SLC38A6: variants seen among roughly 807,000 people sequenced by gnomAD.
SLC38A6 encodes the protein solute carrier family 38 member 6.
A neutral mutation model predicts 65.0 loss-of-function variants in SLC38A6; 73 were observed. The observed-to-expected ratio is 1.12, with a 90% CI of 0.93 to 1.37. The LOEUF (loss-of-function observed/expected upper bound fraction) is 1.37, where lower values mean the gene tolerates loss of function less well. Ranked by LOEUF, SLC38A6 falls within the 40% of genes most tolerant of loss-of-function variation. The probability of loss-of-function intolerance (pLI) is 0.00; values close to 1 mark genes in which losing one functional copy is unlikely to be tolerated. For missense variants in SLC38A6, 561 were observed against 531.1 expected (o/e 1.06, Z -0.55); for synonymous variants, 183 against 178.8 (o/e 1.02, Z -0.19).
intron 3 of SLC38A6, among the ~76,000 whole-genome samples, chr14:60,992,928 C>T (rs1365276890): frequency 6.6e-6 from 1 of 151,696 alleles, no homozygotes; most frequent in Non-Finnish European, 1.5e-5. Context: ...CTCGCTGCAA[C>T]CTCTGCCTCC....
rs1238513868 is a variant in SLC38A6, at chr14:61,069,893, A to G, written c.1291-8917A>G. 2.6e-5 allele frequency among the ~76,000 whole-genome samples: 4 copies of G among 152,168 alleles called. No individual in the cohort carries two copies. The South Asian group carries it at 6.2e-4, about 24-fold the overall frequency. ...TACAACTTTCTGTGTTCTTCCCAGT[A>G]TATTCTATGCCTCTCTTAGAGAGAG... On this transcript the variant is annotated intron_variant, in intron 15 of 16. Coordinates refer to the SLC38A6 transcript ENST00000354886.
At chr14:61,003,522 T>A (rs990296746) in intron 3 of SLC38A6, among the ~76,000 whole-genome samples, 1 of 152,158 alleles carries the variant, frequency 6.6e-6, no homozygotes, top group African/African-American at 2.4e-5. Flanking sequence ...TTTTAAATAT[T>A]TTAAAGGTTC....
intron 3 of SLC38A6, among the ~76,000 whole-genome samples, chr14:61,008,087 T>G: frequency 6.6e-6 from 1 of 152,196 alleles, no homozygotes; most frequent in East Asian, 1.9e-4. Context: ...CTTTTATTAT[T>G]AAAGCATAAA....
chr14:61,027,857 T>C (rs2040695715), intron 5 of SLC38A6, among the ~76,000 whole-genome samples: 2 of 152,026 alleles, frequency 1.3e-5, no homozygotes, highest in African/African-American at 4.8e-5. Context: ...GGTTTTCCCC[T>C]ATAGTAAGTT....
At chr14:61,027,498 T>C (rs1278306735) in intron 5 of SLC38A6, among the ~76,000 whole-genome samples, 1 of 152,166 alleles carries the variant, frequency 6.6e-6, no homozygotes, top group Non-Finnish European at 1.5e-5. Context: ...TCTTATGCCA[T>C]TTATAAAAGA....
At chr14:61,065,537 C>T (rs1051867441) in intron 15 of SLC38A6, among the ~76,000 whole-genome samples, 4 of 152,160 alleles carry the variant, frequency 2.6e-5, no homozygotes, top group Non-Finnish European at 5.9e-5. Flanking sequence ...AAGAACTTTA[C>T]AATTTTTTCT....
intron 6 of SLC38A6, chr14:61,031,093 C>G (rs1375138948): frequency 6.6e-6 from 1 of 152,140 alleles, no homozygotes; most frequent in East Asian, 1.9e-4. Flanking sequence ...TACTAAACTA[C>G]ATTGTATCTC....
intron 15 of SLC38A6, among the ~76,000 whole-genome samples, chr14:61,067,516 C>T (rs1017493561): frequency 2.0e-5 from 3 of 152,102 alleles, no homozygotes. Flanking sequence ...CTTGTAGTTT[C>T]ATAGTAAATA....
chr14:61,067,617 C>T (rs2043068626), intron 15 of SLC38A6, among the ~76,000 whole-genome samples: 1 of 151,976 alleles, frequency 6.6e-6, no homozygotes, highest in African/African-American at 2.4e-5. Context: ...AGCTGCAGGC[C>T]TTTTTTAGGT....
At chr14:61,020,235 A>G (rs1261679152) in intron 5 of SLC38A6, among the ~76,000 whole-genome samples, 1 of 152,140 alleles carries the variant, frequency 6.6e-6, no homozygotes, top group African/African-American at 2.4e-5. Flanking sequence ...TATATGTTGT[A>G]AAGAAGTTGC....
At chr14:61,009,912 G>A (rs1439689617) in intron 3 of SLC38A6, among the ~76,000 whole-genome samples, 1 of 152,182 alleles carries the variant, frequency 6.6e-6, no homozygotes, top group Admixed American at 6.5e-5. Context: ...TGGGATGGCT[G>A]GGTCAAATGG....
chr14:60,998,196 C>T, intron 3 of SLC38A6, among the ~76,000 whole-genome samples: 1 of 151,684 alleles, frequency 6.6e-6, no homozygotes, highest in East Asian at 1.9e-4. Context: ...AGCAAAGGCC[C>T]CCACCCCCCA....
intron 3 of SLC38A6, among the ~76,000 whole-genome samples, chr14:61,014,887 G>A (rs758350117): frequency 6.6e-6 from 1 of 152,168 alleles, no homozygotes; most frequent in Non-Finnish European, 1.5e-5. Flanking sequence ...TGCGTGCTGG[G>A]AGAACCACTA....
intron 8 of SLC38A6, among the ~76,000 whole-genome samples, chr14:61,039,419 G>A (rs890709668): frequency 3.9e-5 from 6 of 151,976 alleles, no homozygotes; most frequent in African/African-American, 1.5e-4. Flanking sequence ...CACCCAGGGT[G>A]GAGTGCAGTG....
At chr14:60,988,173 T>A (rs2037593829) in intron 3 of SLC38A6, among the ~76,000 whole-genome samples, 2 of 152,192 alleles carry the variant, frequency 1.3e-5, no homozygotes, top group Admixed American at 1.3e-4. Flanking sequence ...TCTCAAGTGG[T>A]CAGTCTTTTC....
chr14:61,055,243 A>C (rs1312753301), downstream of SLC38A6, among the ~76,000 whole-genome samples: 2 of 74,246 alleles, frequency 2.7e-5, no homozygotes, highest in African/African-American at 1.0e-4. Context: ...CATTAGGTAT[A>C]TCTCCCAATG....
intron 3 of SLC38A6, among the ~76,000 whole-genome samples, chr14:61,011,994 C>T (rs899365461): frequency 6.6e-5 from 10 of 152,308 alleles, no homozygotes; most frequent in Non-Finnish European, 1.2e-4. Flanking sequence ...TAAAATTCGG[C>T]TGTGATTGCA....
downstream of SLC38A6, chr14:61,053,055 C>G (rs2042588838): frequency 6.6e-6 from 1 of 151,882 alleles, no homozygotes; most frequent in Non-Finnish European, 1.5e-5. Context: ...ACCCACCAGC[C>G]CCAGTTGTTT....
At chr14:61,061,092 C>A (rs1184802770) in intron 15 of SLC38A6, among the ~76,000 whole-genome samples, 1 of 152,122 alleles carries the variant, frequency 6.6e-6, no homozygotes, top group African/African-American at 2.4e-5. Flanking sequence ...CTGCGTCGCT[C>A]ACGCTGGGAG....
Sources: gnomAD v4.1 joint callset for allele counts (sites outside exome capture counted in the v4.1 genomes callset) on GRCh38, gnomAD v4.1.1 for gene constraint, MANE v1.5 for transcripts, NCBI Gene and HGNC (gene_info 2026-07-23, HGNC 2026-07-21) for gene names.